FAM120B: variants seen among roughly 807,000 people sequenced by gnomAD.
FAM120B encodes family with sequence similarity 120 member B.
In FAM120B, 83 loss-of-function variants were observed where a neutral mutation model predicts 96.3. That is an observed-to-expected ratio of 0.86 (90% confidence interval 0.72 to 1.03). The LOEUF (loss-of-function observed/expected upper bound fraction) is 1.03. FAM120B is among the 50% of genes least tolerant of loss of function. FAM120B has a pLI of 0.00. For synonymous variants in FAM120B, 407 were observed against 402.7 expected, an observed-to-expected ratio of 1.01 and a Z score of -0.13; for missense variants, 1,027 against 1,121.2, an observed-to-expected ratio of 0.92 and a Z score of 1.20.
At chr6:170,361,148 A>AAC (rs1325573712) in intron 6 of FAM120B, among the ~76,000 whole-genome samples, 1 of 145,344 alleles carries the variant, frequency 6.9e-6, no homozygotes, top group Non-Finnish European at 1.5e-5. Context: ...TTCTTTGCCC[A>AAC]ACATTACTTT....
At chr6:170,402,191 T>C (rs1778621638) in intron 9 of FAM120B, among the ~76,000 whole-genome samples, 1 of 152,266 alleles carries the variant, frequency 6.6e-6, no homozygotes, top group Non-Finnish European at 1.5e-5. Flanking sequence ...ATATTAAATC[T>C]AGTCTTGCTT....
At chr6:170,297,248 C>A (rs1023313440) in intron 1 of FAM120B, among the ~76,000 whole-genome samples, 2 of 152,210 alleles carry the variant, frequency 1.3e-5, no homozygotes, top group South Asian at 4.1e-4. Flanking sequence ...CCGCGTCCCC[C>A]CAGGCTGCTC....
upstream of FAM120B, among the ~76,000 whole-genome samples, chr6:170,303,247 T>A (rs1562506664): frequency 6.6e-6 from 1 of 152,196 alleles, no homozygotes; most frequent in Non-Finnish European, 1.5e-5. Flanking sequence ...TCTTTTCCTT[T>A]TTTTGTGTGT....
At chr6:170,394,137 G>A (rs1425529411) in intron 8 of FAM120B, among the ~76,000 whole-genome samples, 1 of 152,216 alleles carries the variant, frequency 6.6e-6, no homozygotes, top group Non-Finnish European at 1.5e-5. Context: ...AAGGGCAGCA[G>A]TCACAAAGGG....
intron 6 of FAM120B, among the ~76,000 whole-genome samples, chr6:170,364,029 A>G (rs1264373749): frequency 6.6e-6 from 1 of 152,204 alleles, no homozygotes; most frequent in Non-Finnish European, 1.5e-5. Context: ...AGCCACGCCC[A>G]GCCAAAACAT....
chr6:170,376,659 G>A (rs1196049325), intron 6 of FAM120B, among the ~76,000 whole-genome samples: 3 of 152,190 alleles, frequency 2.0e-5, no homozygotes, highest in African/African-American at 2.4e-5. Flanking sequence ...TTGGAGGAGC[G>A]GAGGCTGATT....
chr6:170,393,898 C>G (rs930928582), intron 8 of FAM120B, among the ~76,000 whole-genome samples: 1 of 151,026 alleles, frequency 6.6e-6, no homozygotes, highest in Admixed American at 6.6e-5. Flanking sequence ...CACAGCCAGG[C>G]CACTGCAACA....
upstream of FAM120B, among the ~76,000 whole-genome samples, chr6:170,292,328 T>C (rs1583160177): frequency 6.6e-6 from 1 of 152,152 alleles, no homozygotes; most frequent in African/African-American, 2.4e-5. The surrounding 1 kb of genome is among the most constrained non-coding windows in gnomAD (Gnocchi z 6.6). Flanking sequence ...CTAGGCACGA[T>C]GGAGAAGTAA....
At chr6:170,297,299 C>G (rs1395886686) in intron 1 of FAM120B, among the ~76,000 whole-genome samples, 1 of 152,214 alleles carries the variant, frequency 6.6e-6, no homozygotes, top group African/African-American at 2.4e-5. Flanking sequence ...AGCTTTCGAA[C>G]GCGCCGTGCT....
At chr6:170,337,754 T>G (rs1412328309) in intron 4 of FAM120B, among the ~76,000 whole-genome samples, 1 of 152,204 alleles carries the variant, frequency 6.6e-6, no homozygotes, top group African/African-American at 2.4e-5. Context: ...CCTGGTTTAG[T>G]CTTGGAAGGT....
At chr6:170,351,880 A>G (rs986069143) in intron 5 of FAM120B, among the ~76,000 whole-genome samples, 5 of 152,202 alleles carry the variant, frequency 3.3e-5, no homozygotes, top group Non-Finnish European at 7.3e-5. Flanking sequence ...AACCACATAA[A>G]CAAGCCTGCA....
intron 7 of FAM120B, among the ~76,000 whole-genome samples, chr6:170,390,648 G>A (rs544623405): frequency 3.3e-5 from 5 of 152,156 alleles, no homozygotes; most frequent in South Asian, 4.1e-4. Flanking sequence ...ATTAAGAATC[G>A]AAAGATTAAG....
intron 1 of FAM120B, among the ~76,000 whole-genome samples, chr6:170,314,948 G>C (rs1784809363): frequency 6.6e-6 from 1 of 152,178 alleles, no homozygotes; most frequent in African/African-American, 2.4e-5. Context: ...TGTGTGTCTT[G>C]AGCAGTCCAA....
At chr6:170,356,057 C>T (rs1425161299) in intron 5 of FAM120B, among the ~76,000 whole-genome samples, 1 of 152,176 alleles carries the variant, frequency 6.6e-6, no homozygotes, top group African/African-American at 2.4e-5. Context: ...TTCTACCTTC[C>T]CATCCCTGTG....
At chr6:170,331,708 C>T (rs527420706) in intron 4 of FAM120B, among the ~76,000 whole-genome samples, 9 of 152,216 alleles carry the variant, frequency 5.9e-5, no homozygotes, top group African/African-American at 1.7e-4. Context: ...TTTGACTGTT[C>T]GTCATTGTGT....
intron 4 of FAM120B, among the ~76,000 whole-genome samples, chr6:170,333,159 A>ACCGCCCCC (rs1786172080): frequency 1.4e-5 from 1 of 71,098 alleles, no homozygotes; most frequent in Non-Finnish European, 3.0e-5. Flanking sequence ...CCCCCACCCC[A>ACCGCCCCC]CCGCCCCCCC....
intron 2 of FAM120B, 51 bp from the exon 3 acceptor site, chr6:170,323,028 T>C: frequency 6.7e-7 from 1 of 1,499,368 alleles, no homozygotes; most frequent in Non-Finnish European, 9.0e-7. Context: ...TATTTGAAGG[T>C]TACTATCCTG....
At chr6:170,319,759 C>T (rs949376261) in intron 2 of FAM120B, among the ~76,000 whole-genome samples, 1 of 152,162 alleles carries the variant, frequency 6.6e-6, no homozygotes, top group African/African-American at 2.4e-5. Context: ...TAAGCAAAGA[C>T]TTGGGAGTTG....
At chr6:170,359,298 C>A (rs1377575452) in intron 6 of FAM120B, among the ~76,000 whole-genome samples, 1 of 151,104 alleles carries the variant, frequency 6.6e-6, no homozygotes, top group African/African-American at 2.4e-5. Context: ...AAGGCTGAGG[C>A]AATAGAATCG....
Sources: gnomAD v4.1 joint callset for allele counts (sites outside exome capture counted in the v4.1 genomes callset) on GRCh38, gnomAD v4.1.1 for gene constraint, Gnocchi (gnomAD v3.1) non-coding constraint, MANE v1.5 for transcripts, NCBI Gene and HGNC (gene_info 2026-07-23, HGNC 2026-07-21) for gene names.